Variants in DKK2 observed in about 807,000 individuals in gnomAD.
DKK2 encodes the protein dickkopf Wnt signaling pathway inhibitor 2.
In DKK2, 11 loss-of-function variants were observed where a neutral mutation model predicts 28.1. That is an observed-to-expected ratio of 0.39 (90% CI 0.25 to 0.65). The LOEUF is 0.65. DKK2 is among the 30% of genes least tolerant of loss of function. The pLI, the probability that DKK2 is intolerant of heterozygous loss-of-function variation, is 0.47. For synonymous variants in DKK2, 135 were observed against 126.5 expected, an observed-to-expected ratio of 1.07 and a Z score of -0.45; for missense variants, 326 against 335.5, an observed-to-expected ratio of 0.97 and a Z score of 0.22.
intron 1 of DKK2, among the ~76,000 whole-genome samples, chr4:106,983,010 GAGAAAGGA>G (rs1035384365): frequency 1.4e-5 from 2 of 142,864 alleles, no homozygotes; most frequent in Non-Finnish European, 3.1e-5. Context: ...AAGAAAAAGA[GAGAAAGGA>G]AGGAAGGAAG....
At chr4:106,966,461 A>T (rs1291835907) in intron 1 of DKK2, among the ~76,000 whole-genome samples, 1 of 152,272 alleles carries the variant, frequency 6.6e-6, no homozygotes, top group Non-Finnish European at 1.5e-5. Context: ...AACCATTCCA[A>T]TTTTCCTAAG....
chr4:107,023,986 T>G (rs1296010489), intron 1 of DKK2, among the ~76,000 whole-genome samples: 1 of 152,124 alleles, frequency 6.6e-6, no homozygotes, highest in East Asian at 1.9e-4. Flanking sequence ...TAATGTGTTT[T>G]CAACAACTTT....
intron 1 of DKK2, among the ~76,000 whole-genome samples, chr4:107,015,746 A>G (rs1385157422): frequency 6.6e-6 from 1 of 151,604 alleles, no homozygotes; most frequent in Non-Finnish European, 1.5e-5. Context: ...TTTGTTGGTT[A>G]ATTTGTGAAT....
intron 1 of DKK2, among the ~76,000 whole-genome samples, chr4:106,956,043 C>T (rs532034582): frequency 6.6e-6 from 1 of 152,196 alleles, no homozygotes; most frequent in Admixed American, 6.5e-5. Context: ...TTTGTAAATC[C>T]ACCCAAAACA....
chr4:107,029,695 G>C (rs917285366), intron 1 of DKK2, among the ~76,000 whole-genome samples: 2 of 152,030 alleles, frequency 1.3e-5, no homozygotes, highest in African/African-American at 4.8e-5. Context: ...GAAAGGTTTG[G>C]ACAGAACTAC....
intron 1 of DKK2, among the ~76,000 whole-genome samples, chr4:107,017,032 G>C (rs1017352897): frequency 6.6e-6 from 1 of 151,938 alleles, no homozygotes; most frequent in Non-Finnish European, 1.5e-5. Flanking sequence ...AGATGGTGAG[G>C]ACGAAATGTC....
rs1724360038 is a variant in DKK2, at chr4:106,922,466, G to C, written c.*1488C>G. The C allele has an allele frequency of 6.6e-6, 1 of 152,194 alleles. No homozygotes were observed. The allele number at this position is 152,194 out of a possible 1,614,324, so 9.4% of individuals were successfully genotyped here. On this transcript the variant is annotated 3_prime_UTR_variant, in exon 4 of 4. Coordinates refer to ENST00000285311, the MANE Select transcript of DKK2 (RefSeq NM_014421.3). Reference sequence around the variant, plus strand: ...GGTGTCTATAGATTAGCAATATGCAGGTTTTACAAGTTATCCTACTTATAT... The same window carrying C: ...GGTGTCTATAGATTAGCAATATGCACGTTTTACAAGTTATCCTACTTATAT...
At chr4:106,925,506 T>C (rs541800246) in intron 2 of DKK2, among the ~76,000 whole-genome samples, 1 of 152,362 alleles carries the variant, frequency 6.6e-6, no homozygotes. Context: ...TTGGTTCTTT[T>C]ACATGCATTC....
At chr4:106,976,561 C>A (rs958024050) in intron 1 of DKK2, among the ~76,000 whole-genome samples, 3 of 152,056 alleles carry the variant, frequency 2.0e-5, no homozygotes, top group African/African-American at 4.8e-5. Context: ...AGGATTGCAA[C>A]CTCTGCTTTT....
Position 107,015,786 on chromosome 4 carries a change from T to C in DKK2, c.222+19584A>G, listed in dbSNP as rs1219708235. Among the ~76,000 whole-genome samples the C allele has an allele frequency of 2.6e-5, 4 of 151,876 alleles. No homozygotes were observed. The East Asian group carries it at 7.7e-4, about 29-fold the overall frequency. On this transcript the variant is annotated intron_variant, in intron 1 of 3. Transcript: ENST00000285311. ...CAGTGTCAGTTAAATAACTGTCCTTTTCATCTCTCTTAATACATGAATACT... is the reference window on the plus strand; with the variant it reads ...CAGTGTCAGTTAAATAACTGTCCTTCTCATCTCTCTTAATACATGAATACT...
intron 1 of DKK2, among the ~76,000 whole-genome samples, chr4:106,976,956 A>C (rs577241689): frequency 6.6e-6 from 1 of 152,044 alleles, no homozygotes; most frequent in African/African-American, 2.4e-5. Context: ...ATCTCTCAGC[A>C]TTTGCTTGTC....
intron 1 of DKK2, among the ~76,000 whole-genome samples, chr4:107,008,212 C>T (rs1723464644): frequency 6.6e-6 from 1 of 152,086 alleles, no homozygotes. Flanking sequence ...ATTCAATATT[C>T]ATTTATTCAT....
chr4:107,015,826 G>C (rs1021447258), intron 1 of DKK2, among the ~76,000 whole-genome samples: 3 of 151,516 alleles, frequency 2.0e-5, no homozygotes, highest in African/African-American at 7.3e-5. Context: ...TCTGTTAATG[G>C]GGTCACAGAA....
At chr4:106,959,391 T>C (rs1253909915) in intron 1 of DKK2, among the ~76,000 whole-genome samples, 1 of 152,174 alleles carries the variant, frequency 6.6e-6, no homozygotes, top group Non-Finnish European at 1.5e-5. Flanking sequence ...GTTGGCTTGC[T>C]GTACTCAACC....
chr4:107,011,986 A>C (rs1723524874), intron 1 of DKK2, among the ~76,000 whole-genome samples: 1 of 151,266 alleles, frequency 6.6e-6, no homozygotes, highest in Non-Finnish European at 1.5e-5. Context: ...AGTAAAAGTA[A>C]ATTTCTATTT....
chr4:106,998,978 A>T (rs780399708), intron 1 of DKK2, among the ~76,000 whole-genome samples: 20 of 152,240 alleles, frequency 1.3e-4, no homozygotes, highest in Non-Finnish European at 2.6e-4. Context: ...TGGGTTCACC[A>T]ACATGGACAT....
intron 1 of DKK2, among the ~76,000 whole-genome samples, chr4:106,985,408 G>A (rs1293334824): frequency 6.6e-6 from 1 of 152,050 alleles, no homozygotes; most frequent in Admixed American, 6.6e-5. Flanking sequence ...AGTTTGGCAA[G>A]GTGTTACCAC....
rs17037285 is a variant in DKK2, at chr4:107,027,431, T to C, written c.222+7939A>G. Among the ~76,000 whole-genome samples, 1,327 of 151,330 alleles carry C rather than the reference T, an allele frequency of 8.8e-3. 23 individuals are homozygous for C. Among genetic ancestry groups the C allele is most frequent in the African/African-American group, 0.03 (1,257 of 41,242 alleles). ...TTTAACATTACTAAAATATTTCAATTTACCTAAATCGCCAAAAAATCTCAA... is the reference window on the plus strand; with the variant it reads ...TTTAACATTACTAAAATATTTCAATCTACCTAAATCGCCAAAAAATCTCAA... On this transcript the variant is annotated intron_variant, in intron 1 of 3. Coordinates refer to ENST00000285311, the MANE Select transcript of DKK2 (RefSeq NM_014421.3).
intron 1 of DKK2, among the ~76,000 whole-genome samples, chr4:107,030,182 G>T (rs761777256): frequency 6.6e-6 from 1 of 152,012 alleles, no homozygotes; most frequent in Non-Finnish European, 1.5e-5. Context: ...ACAAAGAAAA[G>T]AACCTACCAA....
Sources: gnomAD v4.1 joint callset for allele counts (sites outside exome capture counted in the v4.1 genomes callset) on GRCh38, gnomAD v4.1.1 for gene constraint, MANE v1.5 for transcripts, NCBI Gene and HGNC (gene_info 2026-07-23, HGNC 2026-07-21) for gene names.